Variants in DENND10 observed in about 807,000 individuals in gnomAD.
The protein encoded by DENND10 is DENN domain-containing protein 10.
Under a neutral mutation model 43.6 loss-of-function variants are expected in DENND10, and 24 were observed. The ratio of observed to expected loss-of-function variants is 0.55; its 90% CI spans 0.40 to 0.77. The LOEUF (loss-of-function observed/expected upper bound fraction) is 0.77. Among genes scored for constraint, DENND10 ranks in the 30% least tolerant of loss-of-function variants. The probability of loss-of-function intolerance (pLI) is 0.00; values close to 1 mark genes in which losing one functional copy is unlikely to be tolerated. For missense variants in DENND10, 303 were observed against 429.9 expected, an observed-to-expected ratio of 0.70 and a Z score of 2.61; for synonymous variants, 125 against 157.6, an observed-to-expected ratio of 0.79 and a Z score of 1.55.
chr10:119,119,737 T>TA (rs373797428), intron 4 of DENND10, among the ~76,000 whole-genome samples: 1 of 149,040 alleles, frequency 6.7e-6, no homozygotes, highest in African/African-American at 2.4e-5. Context: ...TTTTTTTTTT[T>TA]AAATCAGGAA....
chr10:119,107,775 C>T (rs1051879924), intron 1 of DENND10, among the ~76,000 whole-genome samples, 193 bp from the exon 2 acceptor site: 1 of 152,094 alleles, frequency 6.6e-6, no homozygotes, highest in Non-Finnish European at 1.5e-5. Flanking sequence ...CTCAGGTGGC[C>T]TGTAATTCAG....
intron 3 of DENND10, among the ~76,000 whole-genome samples, chr10:119,116,661 CTTTCTTTTTTTTTTTTTTT>C (rs943677052): frequency 1.1e-5 from 1 of 91,398 alleles, no homozygotes; most frequent in African/African-American, 3.9e-5. Flanking sequence ...TTCTTTCTTT[CTTTCTTTTTTTTTTTTTTT>C]TTTTTTGAGA....
chr10:119,116,013 C>T (rs996491412), intron 3 of DENND10, among the ~76,000 whole-genome samples: 1 of 152,174 alleles, frequency 6.6e-6, no homozygotes, highest in African/African-American at 2.4e-5. Context: ...ATCCGCCCAC[C>T]TTGGCCTCCC....
rs569583499 is a variant in DENND10, at chr10:119,129,761, C to T, written c.802+139C>T. 30 of 642,020 alleles carry T rather than the reference C, an allele frequency of 4.7e-5. 1 individual carries two copies. The Admixed American group carries it at 7.3e-4, about 16-fold the overall frequency. The allele number at this position is 642,020 out of a possible 1,614,324, so 39.8% of individuals were successfully genotyped here. On this transcript the variant is annotated intron_variant, in intron 7 of 8. Transcript: ENST00000361432. Reference sequence around the variant, plus strand: ...GGATATTTCCGTGTCTAGAACACAACATTTATTCCTATAAACATAGACATA... The same window carrying T: ...GGATATTTCCGTGTCTAGAACACAATATTTATTCCTATAAACATAGACATA...
At chr10:119,125,230 C>A (rs1188332067) in intron 6 of DENND10, among the ~76,000 whole-genome samples, 2 of 152,086 alleles carry the variant, frequency 1.3e-5, no homozygotes, top group African/African-American at 4.8e-5. Flanking sequence ...CCTCAGGCTC[C>A]CAAAGTGCCT....
chr10:119,119,997 C>T (rs777715351), intron 4 of DENND10, among the ~76,000 whole-genome samples: 4 of 152,046 alleles, frequency 2.6e-5, no homozygotes, highest in Non-Finnish European at 5.9e-5. Flanking sequence ...CCTGTAATCC[C>T]AACACTTTGG....
In DENND10 at chr10:119,137,480, C is replaced by G. The variant is rs1846412617; in HGVS notation, c.*833C>G. The G allele has an allele frequency of 6.0e-6, 1 of 166,776 alleles. No individual in the cohort carries two copies. The highest frequency in any genetic ancestry group is 6.6e-5 in the Admixed American group (1 of 15,216). The allele number at this position is 166,776 out of a possible 1,614,324, so 10.3% of individuals were successfully genotyped here. On this transcript the variant is annotated 3_prime_UTR_variant, in exon 9 of 9. Coordinates refer to ENST00000361432, the MANE Select transcript of DENND10 (RefSeq NM_207009.4). ...TATGAGATTAACTTCCTACAGGGGC[C>G]AAAACCAGAGAAAGGCTTCCAGCAA...
chr10:119,132,658 T>C lies in DENND10; in HGVS notation c.897+49T>C. ...ACTGAAAGTCCTGACCCGGTGTCGC[T>C]GGGTGGTGTGCGGCAGAGCTGTGCA... On this transcript the variant is annotated intron_variant, in intron 8 of 8. Transcript: ENST00000361432. The surrounding 1 kb of genome is among the most constrained non-coding windows in gnomAD (Gnocchi z 4.2). 17 of 1,450,036 alleles carry C rather than the reference T, an allele frequency of 1.2e-5. No homozygotes were observed. Among genetic ancestry groups the C allele is most frequent in the Non-Finnish European group, 1.5e-5 (15 of 1,029,844 alleles). The allele number at this position is 1,450,036 out of a possible 1,614,324, so 89.8% of individuals were successfully genotyped here. A position where few individuals can be genotyped will look rare whatever the true frequency, so the allele number is the denominator to read the frequency against.
At chr10:119,109,377 T>C (rs1324298349) in intron 2 of DENND10, among the ~76,000 whole-genome samples, 2 of 152,160 alleles carry the variant, frequency 1.3e-5, no homozygotes, top group Non-Finnish European at 1.5e-5. Context: ...CAGCAGGTTT[T>C]TTCAAAGAAT....
intron 4 of DENND10, among the ~76,000 whole-genome samples, chr10:119,118,363 G>A (rs1845396963): frequency 6.6e-6 from 1 of 152,146 alleles, no homozygotes; most frequent in African/African-American, 2.4e-5. Flanking sequence ...GATCTTAGCA[G>A]TTATCTCTGT....
At chr10:119,107,265 A>G (rs1844738244) in intron 1 of DENND10, among the ~76,000 whole-genome samples, 1 of 149,642 alleles carries the variant, frequency 6.7e-6, no homozygotes, top group Non-Finnish European at 1.5e-5. Context: ...GCACCAGTAC[A>G]CTCTAGCCTG....
rs1033841366 is a variant in DENND10, at chr10:119,123,125, G to A, written c.594-344G>A. Among the ~76,000 whole-genome samples the A allele has an allele frequency of 2.6e-5, 4 of 152,198 alleles. No homozygotes were observed. The South Asian group carries it at 6.2e-4, about 24-fold the overall frequency. On this transcript the variant is annotated intron_variant, in intron 5 of 8. Coordinates refer to ENST00000361432, the MANE Select transcript of DENND10 (RefSeq NM_207009.4). ...TCTACTAAAAATACAAACATTAACCGGGCCGTGGTGGCAGGCACCTGTAGT... is the reference window on the plus strand; with the variant it reads ...TCTACTAAAAATACAAACATTAACCAGGCCGTGGTGGCAGGCACCTGTAGT...
rs1026284736 is a variant in DENND10 at position 119,137,226 on chromosome 10, A to C, written c.*579A>C. 3.2e-5 allele frequency: 5 copies of C among 157,962 alleles called. No homozygotes were observed. The highest frequency in any genetic ancestry group is 1.3e-4 in the African/African-American group (5 of 38,614). The allele number at this position is 157,962 out of a possible 1,614,324, so 9.8% of individuals were successfully genotyped here. On this transcript the variant is annotated 3_prime_UTR_variant, in exon 9 of 9. Coordinates refer to ENST00000361432, the MANE Select transcript of DENND10 (RefSeq NM_207009.4). ...TTCCCGGCCTTTGAACATTTTGCCTATGAGAGTTTTGCATATATTTTATAC... is the reference window on the plus strand; with the variant it reads ...TTCCCGGCCTTTGAACATTTTGCCTCTGAGAGTTTTGCATATATTTTATAC...
Position 119,136,920 on chromosome 10 carries a change from G to C in DENND10, c.*273G>C. On this transcript the variant is annotated 3_prime_UTR_variant, in exon 9 of 9. Transcript: ENST00000361432. ...ATTACAGAACAGCTAGAGGTCCTGG[G>C]GTAAGAGAAAAAAAGCACATCACAA... 1 of 337,914 alleles carries C rather than the reference G, an allele frequency of 3.0e-6. No individual in the cohort carries two copies. The highest frequency in any genetic ancestry group is 6.9e-5 in the South Asian group (1 of 14,470). The allele number at this position is 337,914 out of a possible 1,614,324, so 20.9% of individuals were successfully genotyped here.
chr10:119,126,113 G>A (rs1845820241), intron 6 of DENND10, among the ~76,000 whole-genome samples: 1 of 152,114 alleles, frequency 6.6e-6, no homozygotes. Context: ...TTCCATCCAT[G>A]TTGTTGCAAA....
chr10:119,114,666 C>G (rs1398351317), intron 3 of DENND10: 1 of 152,130 alleles, frequency 6.6e-6, no homozygotes, highest in Non-Finnish European at 1.5e-5. Flanking sequence ...GGGGGATTTC[C>G]CCCTCTGTTT....
chr10:119,121,218 C>A (rs929638479), intron 5 of DENND10, among the ~76,000 whole-genome samples: 11 of 152,104 alleles, frequency 7.2e-5, no homozygotes, highest in African/African-American at 1.7e-4. Flanking sequence ...ACAGCTCCCC[C>A]ACCTGCCATA....
In DENND10 at chr10:119,123,475, G is replaced by A. The variant is rs771095076; in HGVS notation, c.600G>A (p.Leu200=). ...TCTTGCCTTGATTCCCCAGGACTCT[G>A]CCTGCCCTGGTGTGGCACCGACAGG... The part of the protein sequence containing the change: ...IEAVQEFTRT[L]PALVWHRQDW... The change falls in exon 6 of 9, where the codon CTG becomes CTA. Residue 200 remains leucine (L), a synonymous_variant. Transcript: ENST00000361432. 6.2e-7 allele frequency: 1 copy of A among 1,613,064 alleles called. No homozygotes were observed. The highest frequency in any genetic ancestry group is 2.2e-5 in the East Asian group (1 of 44,838).
At chr10:119,114,709 A>G (rs1253092997) in intron 3 of DENND10, 1 of 152,062 alleles carries the variant, frequency 6.6e-6, no homozygotes, top group Non-Finnish European at 1.5e-5. Context: ...TCATGTAGGA[A>G]GTCATCTTAT....
Sources: allele counts gnomAD v4.1 joint callset (sites outside exome capture counted in the v4.1 genomes callset), GRCh38; gene constraint gnomAD v4.1.1; non-coding constraint Gnocchi (gnomAD v3.1); transcripts MANE v1.5; gene names NCBI Gene and HGNC (gene_info 2026-07-23, HGNC 2026-07-21).